DHX15: variants seen among roughly 807,000 people sequenced by gnomAD.
DHX15 encodes the protein ATP-dependent RNA helicase DHX15.
DHX15 carries 11 observed loss-of-function variants against 94.4 expected under a neutral mutation model. The observed-to-expected ratio is 0.12, with a 90% CI of 0.07 to 0.19. The LOEUF (loss-of-function observed/expected upper bound fraction) is 0.19, where lower values mean the gene tolerates loss of function less well. DHX15 is among the 10% of genes least tolerant of loss of function. The pLI, the probability that DHX15 is intolerant of heterozygous loss-of-function variation, is 1.00. For synonymous variants in DHX15, 338 were observed against 329.9 expected (o/e 1.02, Z -0.27); for missense variants, 304 against 988.5 (o/e 0.31, Z 9.29).
At chr4:24,547,937 A>ATCTATATCTATATCTATATC (rs1560765929) in intron 6 of DHX15, among the ~76,000 whole-genome samples, 1 of 34,018 alleles carries the variant, frequency 2.9e-5, no homozygotes, top group African/African-American at 1.0e-4. Flanking sequence ...ATATATATAT[A>ATCTATATCTATATCTATATC]TATATCTATA....
Position 24,584,448 on chromosome 4 carries a change from G to C in DHX15, c.-55C>G, listed in dbSNP as rs1268185571. Reference sequence around the variant, plus strand: ...AGGAAGAAAGCTGGCTGCTGTATGGGCACAGTCGAGGACAGCCACTTAACT... The same window carrying C: ...AGGAAGAAAGCTGGCTGCTGTATGGCCACAGTCGAGGACAGCCACTTAACT... On this transcript the variant is annotated 5_prime_UTR_variant, in exon 1 of 14. Transcript: ENST00000336812. The C allele has an allele frequency of 6.4e-7, 1 of 1,552,764 alleles. No individual in the cohort carries two copies. Among genetic ancestry groups the C allele is most frequent in the African/African-American group, 1.4e-5 (1 of 72,672 alleles).
chr4:24,562,485 C>T (rs919636324), intron 3 of DHX15, among the ~76,000 whole-genome samples: 3 of 152,172 alleles, frequency 2.0e-5, no homozygotes, highest in African/African-American at 7.2e-5. Flanking sequence ...TGGACAATTT[C>T]TTCCGTAATG....
At chr4:24,561,497 C>T (rs556849474) in intron 3 of DHX15, among the ~76,000 whole-genome samples, 2 of 152,142 alleles carry the variant, frequency 1.3e-5, no homozygotes, top group Non-Finnish European at 2.9e-5. Context: ...TGACACAGGC[C>T]TGTGTATATT....
At chr4:24,535,952 A>G (rs1017445149) in intron 11 of DHX15, among the ~76,000 whole-genome samples, 1 of 152,072 alleles carries the variant, frequency 6.6e-6, no homozygotes, top group African/African-American at 2.4e-5. Flanking sequence ...GAAACTACAA[A>G]CTTAGTGACA....
chr4:24,539,429 G>A (rs573325095), intron 10 of DHX15, among the ~76,000 whole-genome samples: 1 of 152,118 alleles, frequency 6.6e-6, no homozygotes, highest in Non-Finnish European at 1.5e-5. Flanking sequence ...TAATTTCCAA[G>A]TTACTATTCA....
At chr4:24,536,142 T>C (rs1479988352) in intron 11 of DHX15, among the ~76,000 whole-genome samples, 6 of 152,218 alleles carry the variant, frequency 3.9e-5, no homozygotes, top group Admixed American at 3.3e-4. Context: ...TGTTATTATG[T>C]TTCCTCATTT....
At position 24,584,360 on chromosome 4, in the gene DHX15, C is replaced by T. The variant is rs1041029806; in HGVS notation, c.34G>A (p.Asp12Asn). 1.2e-6 allele frequency: 2 copies of T among 1,613,174 alleles called. No homozygotes were observed. Among genetic ancestry groups the T allele is most frequent in the Non-Finnish European group, 1.7e-6 (2 of 1,179,624 alleles). ...SKRHRLDLGE[D>N]YPSGKKRAGT... ...GCACGCTTCTTGCCAGAGGGGTAAT[C>T]CTCCCCTAGGTCCAACCGGTGCCGC... The change falls in exon 1 of 14, where the codon GAT becomes AAT. Residue 12 changes from aspartate (D) to asparagine (N), a missense_variant. By Grantham distance (23) the Asp-to-Asn change is conservative (BLOSUM62 1). Coordinates refer to ENST00000336812, the MANE Select transcript of DHX15 (RefSeq NM_001358.3).
At chr4:24,556,178 T>A in intron 4 of DHX15, 73 bp downstream of exon 4, 2 of 1,226,488 alleles carry the variant, frequency 1.6e-6, no homozygotes, top group Non-Finnish European at 2.3e-6. Flanking sequence ...TGGTTATTGA[T>A]CAGTATGTAT....
chr4:24,565,828 G>A (rs1437581390), intron 3 of DHX15, among the ~76,000 whole-genome samples: 23 of 152,136 alleles, frequency 1.5e-4, no homozygotes, highest in Non-Finnish European at 1.3e-4. Flanking sequence ...ATGACGAAGA[G>A]TTGTACACAG....
intron 5 of DHX15, among the ~76,000 whole-genome samples, chr4:24,553,283 T>C (rs1383449633): frequency 2.6e-5 from 4 of 151,754 alleles, no homozygotes; most frequent in Non-Finnish European, 4.4e-5. Flanking sequence ...ATCGCGCCAC[T>C]GCACTCCAGC....
chr4:24,543,993 AAAAGGTTTACTTCCATAGC>A lies in DHX15; in HGVS notation c.1249-986_1249-968del, dbSNP rs571146786. Reference sequence around the variant, plus strand: ...CACCAAAGACACACTGTGAAATTTAAAAAGGTTTACTTCCATAGCAAAGTCAAGAAAAGCTTTACTGAAA... The same window carrying A: ...CACCAAAGACACACTGTGAAATTTAAAAAGTCAAGAAAAGCTTTACTGAAA... On this transcript the variant is annotated intron_variant, in intron 6 of 13. Transcript: ENST00000336812. Among the ~76,000 whole-genome samples, 392 of 152,280 alleles carry A rather than the reference AAAAGGTTTACTTCCATAGC, an allele frequency of 2.6e-3. 4 individuals are homozygous for A. Among genetic ancestry groups the A allele is most frequent in the Non-Finnish European group, 4.4e-3 (300 of 68,010 alleles).
At chr4:24,535,300 A>C (rs568872267) in intron 11 of DHX15, among the ~76,000 whole-genome samples, 1 of 152,336 alleles carries the variant, frequency 6.6e-6, no homozygotes, top group African/African-American at 2.4e-5. Flanking sequence ...TTTATCAGAA[A>C]TAGGTCATAC....
At chr4:24,569,150 A>C (rs1270529409) in intron 3 of DHX15, among the ~76,000 whole-genome samples, 1 of 152,232 alleles carries the variant, frequency 6.6e-6, no homozygotes. Context: ...TCAGAGATAC[A>C]CACTGAAATA....
chr4:24,573,696 A>T (rs921264458), intron 2 of DHX15, among the ~76,000 whole-genome samples: 1 of 152,130 alleles, frequency 6.6e-6, no homozygotes, highest in African/African-American at 2.4e-5. Flanking sequence ...ATTAAGGCTC[A>T]ACTTACAGTT....
At chr4:24,536,855 CCT>C (rs533149008) in intron 11 of DHX15, among the ~76,000 whole-genome samples, 194 bp downstream of exon 11, 134 of 152,182 alleles carry the variant, frequency 8.8e-4, no homozygotes, top group Middle Eastern at 6.8e-3. Flanking sequence ...TGCTTTATCC[CCT>C]GATTATAAAC....
rs530275217 is a variant in DHX15, at chr4:24,562,045, C to T, written c.702-5635G>A. 4.1e-5 allele frequency among the ~76,000 whole-genome samples: 6 copies of T among 144,716 alleles called. No individual in the cohort carries two copies. In the South Asian group the frequency reaches 8.7e-4, roughly 21 times the overall value. 94.9% of individuals were successfully genotyped at this position (144,716 alleles called of 152,430 possible). A position where few individuals can be genotyped will look rare whatever the true frequency, so the allele number is the denominator to read the frequency against. On this transcript the variant is annotated intron_variant, in intron 3 of 13. Coordinates refer to ENST00000336812, the MANE Select transcript of DHX15 (RefSeq NM_001358.3). ...ACTTGGGAGGCTGAGGCAAGAGAAT[C>T]GAATCGCTTGAACCCAGGAGGCACA...
chr4:24,565,143 T>A (rs1230577695), intron 3 of DHX15, among the ~76,000 whole-genome samples: 1 of 152,240 alleles, frequency 6.6e-6, no homozygotes, highest in East Asian at 1.9e-4. Context: ...AATGAATGTG[T>A]AGGGTGTAGG....
At chr4:24,582,845 T>C (rs1197592386) in intron 1 of DHX15, among the ~76,000 whole-genome samples, 1 of 152,128 alleles carries the variant, frequency 6.6e-6, no homozygotes. Flanking sequence ...TGGGGCGTAA[T>C]GGTGGGGGAG....
At chr4:24,530,634 A>G (rs942982609) in intron 12 of DHX15, 27 of 151,964 alleles carry the variant, frequency 1.8e-4, no homozygotes, top group African/African-American at 6.3e-4. Context: ...AAAGAGGGCA[A>G]AGAGGAAAAG....
Sources: gnomAD v4.1 joint callset for allele counts (sites outside exome capture counted in the v4.1 genomes callset) on GRCh38, gnomAD v4.1.1 for gene constraint, MANE v1.5 for transcripts, NCBI Gene and HGNC (gene_info 2026-07-23, HGNC 2026-07-21) for gene names.